CAMK2B: variants seen among roughly 807,000 people sequenced by gnomAD.
CAMK2B encodes calcium/calmodulin-dependent protein kinase type II subunit beta.
In CAMK2B, 27 loss-of-function variants were observed where a neutral mutation model predicts 93.7. The ratio of observed to expected loss-of-function variants is 0.29; its 90% CI spans 0.21 to 0.40. The LOEUF (loss-of-function observed/expected upper bound fraction) is 0.40, where lower values mean the gene tolerates loss of function less well. CAMK2B is among the 10% of genes least tolerant of loss of function. The pLI is 1.00. For missense variants in CAMK2B, 568 were observed against 895.8 expected (o/e 0.63, Z 4.67); for synonymous variants, 374 against 358.8 (o/e 1.04, Z -0.48).
chr7:44,253,202 T>G (rs10232723), intron 5 of CAMK2B, among the ~76,000 whole-genome samples: 29,686 of 144,478 alleles, frequency 0.21, 3,582 homozygotes, highest in Non-Finnish European at 0.28. Flanking sequence ...TTAAAAAGAG[T>G]TTTTTTTTTT....
chr7:44,235,257 G>A (rs1027183919), intron 13 of CAMK2B, among the ~76,000 whole-genome samples: 2 of 152,256 alleles, frequency 1.3e-5, no homozygotes, highest in Non-Finnish European at 1.5e-5. Context: ...CAGGCACCAA[G>A]GGCAGCCCTG....
chr7:44,229,622 T>G, intron 17 of CAMK2B, 121 bp from the exon 18 acceptor site: 30 of 311,810 alleles, frequency 9.6e-5, no homozygotes, highest in East Asian at 2.0e-4. Flanking sequence ...TACCTGGGGC[T>G]CCTGGGGTGG....
chr7:44,223,913 G>A (rs1039069906), intron 20 of CAMK2B, among the ~76,000 whole-genome samples: 4 of 152,292 alleles, frequency 2.6e-5, no homozygotes, highest in South Asian at 2.1e-4. Context: ...GTTCTCAGGC[G>A]CACAGCAGCA....
At chr7:44,229,342 A>G in intron 18 of CAMK2B, 46 bp downstream of exon 18, 1 of 1,352,480 alleles carries the variant, frequency 7.4e-7, no homozygotes, top group Non-Finnish European at 1.0e-6. Flanking sequence ...GGGGGTTGCC[A>G]GCCCTCCAAC....
intron 2 of CAMK2B, among the ~76,000 whole-genome samples, chr7:44,269,908 A>G (rs753432867): frequency 1.3e-5 from 2 of 152,084 alleles, no homozygotes; most frequent in African/African-American, 2.4e-5. Context: ...AGGTGCCATG[A>G]GTCCTGCCCA....
intron 1 of CAMK2B, among the ~76,000 whole-genome samples, chr7:44,299,737 C>T (rs1584764964): frequency 6.6e-6 from 1 of 152,062 alleles, no homozygotes; most frequent in African/African-American, 2.4e-5. Context: ...GAAAACTCCT[C>T]ATCTGTAAAT....
rs902516934 is a variant in CAMK2B at position 44,312,026 on chromosome 7, G to T, written c.65+13331C>A. Among the ~76,000 whole-genome samples the T allele has an allele frequency of 6.6e-6, 1 of 152,190 alleles. No individual in the cohort carries two copies. Among genetic ancestry groups the T allele is most frequent in the African/African-American group, 2.4e-5 (1 of 41,444 alleles). On this transcript the variant is annotated intron_variant, in intron 1 of 23. Coordinates refer to ENST00000395749, the MANE Select transcript of CAMK2B (RefSeq NM_001220.5). This position sits in a 1 kb window ranked among gnomAD's most constrained non-coding sequence, Gnocchi z 4.1. ...ACATCTCTGTCCCCACAGCCCAGAG[G>T]GGGAAACTGAGCCCCAGTGTGTGCT...
intron 10 of CAMK2B, among the ~76,000 whole-genome samples, 196 bp from the exon 11 acceptor site, chr7:44,241,979 C>T (rs1334427133): frequency 6.6e-6 from 1 of 152,216 alleles, no homozygotes; most frequent in Non-Finnish European, 1.5e-5. Context: ...CTGCCCCTCA[C>T]AGACAGGACT....
Position 44,308,196 on chromosome 7 carries a change from TCTC to T in CAMK2B, c.65+17158_65+17160del, listed in dbSNP as rs569035290. Among the ~76,000 whole-genome samples, 161 of 152,318 alleles carry T rather than the reference TCTC, an allele frequency of 1.1e-3. 1 individual carries two copies. Among genetic ancestry groups the T allele is most frequent in the African/African-American group, 3.6e-3 (151 of 41,546 alleles). On this transcript the variant is annotated intron_variant, in intron 1 of 23. Transcript: ENST00000395749. Reference sequence around the variant, plus strand: ...CACTTTAAGCACAAGGCACGTCTCTTCTCCTCTTTGCCCCTAAAATCCAGATGT... The same window carrying T: ...CACTTTAAGCACAAGGCACGTCTCTTCTCTTTGCCCCTAAAATCCAGATGT...
intron 15 of CAMK2B, among the ~76,000 whole-genome samples, chr7:44,233,142 C>T (rs559439668): frequency 6.6e-6 from 1 of 152,050 alleles, no homozygotes; most frequent in African/African-American, 2.4e-5. Context: ...CCGTGTGGGG[C>T]CCCGACAAGC....
chr7:44,282,257 G>A (rs2097108144), intron 2 of CAMK2B, among the ~76,000 whole-genome samples: 1 of 152,178 alleles, frequency 6.6e-6, no homozygotes, highest in African/African-American at 2.4e-5. Flanking sequence ...AAAACAAGCT[G>A]ACTGCCCTAG....
intron 8 of CAMK2B, 83 bp downstream of exon 8, chr7:44,243,166 TG>T: frequency 9.9e-7 from 1 of 1,013,202 alleles, no homozygotes; most frequent in Non-Finnish European, 1.5e-6. Flanking sequence ...CAAGACGTGC[TG>T]GCCACTGCAC....
intron 22 of CAMK2B, 47 bp downstream of exon 22, chr7:44,220,569 T>C (rs752386280): frequency 6.6e-7 from 1 of 1,505,056 alleles, no homozygotes; most frequent in Non-Finnish European, 9.2e-7. Context: ...CGAGAGGCTC[T>C]CCTGGGGGCA....
chr7:44,265,370 A>G (rs1319031553), intron 2 of CAMK2B, among the ~76,000 whole-genome samples: 3 of 152,162 alleles, frequency 2.0e-5, no homozygotes, highest in East Asian at 3.9e-4. Context: ...AACTTGTCCC[A>G]ATAAAGTTGA....
intron 1 of CAMK2B, among the ~76,000 whole-genome samples, chr7:44,322,375 T>C (rs568717556): frequency 6.6e-6 from 1 of 152,388 alleles, no homozygotes; most frequent in Admixed American, 6.5e-5. Flanking sequence ...TTAATATTTC[T>C]TTGTAATACT....
In CAMK2B at chr7:44,276,431, C is replaced by G. The variant is rs184878794; in HGVS notation, c.160+7700G>C. On this transcript the variant is annotated intron_variant, in intron 2 of 23. Transcript: ENST00000395749. ...AGGAAAGCCCCGGAGGCAGCACCCCCCCGCCACCCACTGCACAAAGGGGTC... is the reference window on the plus strand; with the variant it reads ...AGGAAAGCCCCGGAGGCAGCACCCCGCCGCCACCCACTGCACAAAGGGGTC... Among the ~76,000 whole-genome samples, 935 of 152,266 alleles carry G rather than the reference C, an allele frequency of 6.1e-3. 13 individuals carry two copies. The highest frequency in any genetic ancestry group is 0.022 in the African/African-American group (896 of 41,554).
At chr7:44,308,392 G>A (rs528561533) in intron 1 of CAMK2B, among the ~76,000 whole-genome samples, 3 of 152,234 alleles carry the variant, frequency 2.0e-5, no homozygotes, top group Admixed American at 6.5e-5. Context: ...CCATGCCTGT[G>A]TGTGGTGGCG....
At chr7:44,322,134 C>T (rs1245054997) in intron 1 of CAMK2B, among the ~76,000 whole-genome samples, 1 of 152,238 alleles carries the variant, frequency 6.6e-6, no homozygotes, top group Non-Finnish European at 1.5e-5. Context: ...AGTGTTCACA[C>T]TACAGGTCGC....
intron 11 of CAMK2B, 122 bp from the exon 12 acceptor site, chr7:44,240,871 G>T (rs1472303146): frequency 9.9e-7 from 1 of 1,009,334 alleles, no homozygotes; most frequent in South Asian, 1.5e-5. Flanking sequence ...AGGCTGACAT[G>T]ACCTCAGCCT....
Sources: allele counts gnomAD v4.1 joint callset (sites outside exome capture counted in the v4.1 genomes callset), GRCh38; gene constraint gnomAD v4.1.1; non-coding constraint Gnocchi (gnomAD v3.1); transcripts MANE v1.5; gene names NCBI Gene and HGNC (gene_info 2026-07-23, HGNC 2026-07-21).